RBMS1: variants seen among roughly 807,000 people sequenced by gnomAD.
RBMS1 encodes the protein RNA binding motif single stranded interacting protein 1.
RBMS1 carries 17 observed loss-of-function variants against 62.3 expected under a neutral mutation model. The observed-to-expected ratio is 0.27, with a 90% CI of 0.19 to 0.41. The LOEUF (loss-of-function observed/expected upper bound fraction) is 0.41. RBMS1 is among the 10% of genes least tolerant of loss of function. The probability of loss-of-function intolerance (pLI) is 1.00; values close to 1 mark genes in which losing one functional copy is unlikely to be tolerated. For missense variants in RBMS1, 334 were observed against 504.5 expected (o/e 0.66, Z 3.24); for synonymous variants, 172 against 170.0 (o/e 1.01, Z -0.09).
At chr2:160,311,229 T>TA in intron 4 of RBMS1, among the ~76,000 whole-genome samples, 1 of 72,976 alleles carries the variant, frequency 1.4e-5, no homozygotes, top group Non-Finnish European at 3.0e-5. Context: ...TCTATCTATC[T>TA]ATCTATATAT....
chr2:160,466,626 C>T (rs1338733286), intron 1 of RBMS1, among the ~76,000 whole-genome samples: 1 of 152,192 alleles, frequency 6.6e-6, no homozygotes, highest in African/African-American at 2.4e-5. Flanking sequence ...TCTCAAGTTC[C>T]AGAACCCACA....
At chr2:160,337,257 C>A (rs1691631680) in intron 2 of RBMS1, among the ~76,000 whole-genome samples, 1 of 151,856 alleles carries the variant, frequency 6.6e-6, no homozygotes, top group Admixed American at 6.6e-5. Flanking sequence ...CCTCAGCCTC[C>A]TGAATAGCTG....
chr2:160,426,936 C>A (rs1230945479), intron 1 of RBMS1, among the ~76,000 whole-genome samples: 4 of 152,154 alleles, frequency 2.6e-5, no homozygotes, highest in Admixed American at 6.5e-5. Context: ...TGGAAGAAAG[C>A]CTAGCTCCTT....
intron 4 of RBMS1, among the ~76,000 whole-genome samples, chr2:160,311,220 C>CTA (rs1488544677): frequency 4.7e-4 from 40 of 84,942 alleles, no homozygotes; most frequent in African/African-American, 1.5e-3. Flanking sequence ...ATCTATCTAT[C>CTA]TATCTATCTA....
chr2:160,407,183 G>C (rs1695771359), intron 1 of RBMS1, among the ~76,000 whole-genome samples: 1 of 152,214 alleles, frequency 6.6e-6, no homozygotes, highest in Non-Finnish European at 1.5e-5. Flanking sequence ...TTGTTGCAGA[G>C]CTGGGTGAAG....
At chr2:160,343,028 G>A (rs1488270246) in intron 2 of RBMS1, among the ~76,000 whole-genome samples, 1 of 152,060 alleles carries the variant, frequency 6.6e-6, no homozygotes, top group Non-Finnish European at 1.5e-5. Flanking sequence ...ATGGCATGGA[G>A]CTCATGGAAA....
intron 2 of RBMS1, among the ~76,000 whole-genome samples, chr2:160,332,174 G>A (rs1691312277): frequency 6.6e-6 from 1 of 152,098 alleles, no homozygotes; most frequent in African/African-American, 2.4e-5. Flanking sequence ...GTGGGTTGGG[G>A]ATAGAGGCTT....
chr2:160,435,698 A>T (rs1683080328), intron 1 of RBMS1, among the ~76,000 whole-genome samples: 1 of 152,228 alleles, frequency 6.6e-6, no homozygotes. Flanking sequence ...TACTCCTCAC[A>T]TAAAAAGCAA....
At chr2:160,480,821 CAG>C (rs1685333994) in intron 1 of RBMS1, among the ~76,000 whole-genome samples, 1 of 151,924 alleles carries the variant, frequency 6.6e-6, no homozygotes, top group Non-Finnish European at 1.5e-5. Flanking sequence ...ACATATGAAA[CAG>C]AGCAAGAATC....
Position 160,281,224 on chromosome 2 carries a change from TATA to T in RBMS1, c.951+87_951+89del, listed in dbSNP as rs1574205637. On this transcript the variant is annotated intron_variant, in intron 10 of 13. Coordinates refer to ENST00000348849, the MANE Select transcript of RBMS1 (RefSeq NM_016836.4). ...TCCATGTTTAAAATTTCCCAAATCC[TATA>T]CCACCCTTGGCAAATGGTTTTAACC... 17 of 1,012,758 alleles carry T rather than the reference TATA, an allele frequency of 1.7e-5. No individual in the cohort carries two copies. The East Asian group carries it at 4.5e-4, about 27-fold the overall frequency. The allele number at this position is 1,012,758 out of a possible 1,614,324, so 62.7% of individuals were successfully genotyped here.
intron 2 of RBMS1, among the ~76,000 whole-genome samples, chr2:160,363,760 A>T (rs1271074244): frequency 1.3e-5 from 2 of 152,228 alleles, no homozygotes; most frequent in African/African-American, 4.8e-5. Context: ...AGGTAAAAAT[A>T]AAACAAATAA....
chr2:160,307,360 T>TG (rs1296294681), intron 4 of RBMS1, among the ~76,000 whole-genome samples: 5 of 38,970 alleles, frequency 1.3e-4, no homozygotes, highest in Admixed American at 4.1e-4. Context: ...GCCTATTTAT[T>TG]GAAAAAAAAA....
intron 1 of RBMS1, among the ~76,000 whole-genome samples, chr2:160,386,974 T>C (rs796872087): frequency 2.0e-5 from 3 of 152,348 alleles, no homozygotes; most frequent in African/African-American, 7.2e-5. Context: ...TGGAAGCTAC[T>C]GTTATTTTGT....
intron 2 of RBMS1, among the ~76,000 whole-genome samples, chr2:160,331,306 T>C (rs1691257996): frequency 6.6e-6 from 1 of 152,166 alleles, no homozygotes; most frequent in Non-Finnish European, 1.5e-5. Flanking sequence ...CTTTAAGATT[T>C]TCCTTCACCA....
At chr2:160,469,714 C>G (rs997201635) in intron 1 of RBMS1, among the ~76,000 whole-genome samples, 1 of 152,188 alleles carries the variant, frequency 6.6e-6, no homozygotes, top group African/African-American at 2.4e-5. Context: ...AGAAATGATT[C>G]TGGGGAAGTA....
At chr2:160,311,210 A>ATCTC (rs1361792296) in intron 4 of RBMS1, among the ~76,000 whole-genome samples, 21 of 56,608 alleles carry the variant, frequency 3.7e-4, no homozygotes, top group East Asian at 2.2e-3. Context: ...AAAAAAAAAA[A>ATCTC]TCTATCTATC....
chr2:160,278,705 G>C, intron 10 of RBMS1, 47 bp from the exon 11 acceptor site: 5 of 1,203,818 alleles, frequency 4.2e-6, no homozygotes, highest in Non-Finnish European at 6.0e-6. Context: ...TGAGGCAAGA[G>C]TTAAGATCCT....
rs1684924296 is a variant in RBMS1, at chr2:160,471,705, ATATATATATAT to A, written c.75+21573_75+21583del. ...AATCCTTTGGTGTATATATATATAT[ATATATATATAT>A]AACCTTTCATACATTCTGATTATAA... On this transcript the variant is annotated intron_variant, in intron 1 of 13. Transcript: ENST00000348849. Among the ~76,000 whole-genome samples, 6 of 103,032 alleles carry A rather than the reference ATATATATATAT, an allele frequency of 5.8e-5. 1 individual carries two copies. The highest frequency in any genetic ancestry group is 4.2e-5 in the Non-Finnish European group (2 of 47,680). 67.6% of individuals were successfully genotyped at this position (103,032 alleles called of 152,430 possible).
chr2:160,473,506 G>T (rs771362657), intron 1 of RBMS1, among the ~76,000 whole-genome samples: 2 of 152,132 alleles, frequency 1.3e-5, no homozygotes, highest in Non-Finnish European at 2.9e-5. Flanking sequence ...GATTAAGGAG[G>T]AAGGAAAGGC....
Sources: allele counts gnomAD v4.1 joint callset (sites outside exome capture counted in the v4.1 genomes callset), GRCh38; gene constraint gnomAD v4.1.1; transcripts MANE v1.5; gene names NCBI Gene and HGNC (gene_info 2026-07-23, HGNC 2026-07-21).